RBM39: variants seen among roughly 807,000 people sequenced by gnomAD.
RBM39 encodes the protein RNA binding motif protein 39.
In RBM39, 12 loss-of-function variants were observed where a neutral mutation model predicts 79.6. The ratio of observed to expected loss-of-function variants is 0.15; its 90% CI spans 0.10 to 0.24. RBM39 has a LOEUF of 0.24. Ranked by LOEUF, RBM39 falls within the 10% of genes least tolerant of loss-of-function variation. The probability of loss-of-function intolerance (pLI) is 1.00; values close to 1 mark genes in which losing one functional copy is unlikely to be tolerated. For missense variants in RBM39, 243 were observed against 653.4 expected (o/e 0.37, Z 6.85); for synonymous variants, 185 against 208.4 (o/e 0.89, Z 0.97).
chr20:35,727,425 A>G (rs975961417), intron 6 of RBM39, among the ~76,000 whole-genome samples: 59 of 151,302 alleles, frequency 3.9e-4, no homozygotes, highest in Non-Finnish European at 6.6e-4. Flanking sequence ...AACACCCACA[A>G]TGCTACCACC....
rs529062012 is a variant in RBM39 at position 35,719,000 on chromosome 20, G to A, written c.826-2195C>T. On this transcript the variant is annotated intron_variant, in intron 9 of 16. Coordinates refer to ENST00000253363, the MANE Select transcript of RBM39 (RefSeq NM_184234.3). ...AAATAATAAAATAAACCTTTAAAAA[G>A]GGCTTCTTATTAAAGCTGCTACATT... 9.0e-4 allele frequency among the ~76,000 whole-genome samples: 137 copies of A among 151,750 alleles called. 1 individual carries two copies. The South Asian group carries it at 0.028, about 31-fold the overall frequency.
At chr20:35,726,305 G>A (rs771348152) in intron 6 of RBM39, among the ~76,000 whole-genome samples, 1 of 151,444 alleles carries the variant, frequency 6.6e-6, no homozygotes, top group African/African-American at 2.4e-5. Flanking sequence ...CTAATTTTCT[G>A]TATTTTTAGT....
chr20:35,735,273 C>T (rs1326498736), intron 3 of RBM39, among the ~76,000 whole-genome samples: 1 of 152,150 alleles, frequency 6.6e-6, no homozygotes, highest in Non-Finnish European at 1.5e-5. Context: ...ATAATATTCC[C>T]ATGAGGGCAA....
intron 14 of RBM39, 44 bp downstream of exon 14, chr20:35,707,076 T>TA (rs1348183362): frequency 9.4e-7 from 1 of 1,059,828 alleles, no homozygotes; most frequent in Non-Finnish European, 1.4e-6. Flanking sequence ...ACAACTCTAT[T>TA]GACGCCTTGA....
At position 35,703,975 on chromosome 20, in the gene RBM39, A is replaced by G. The variant is rs2035440380; in HGVS notation, c.*506T>C. ...ATACCATCAAGAAATATAATTTTGAAATCTCCCTTTCTTGCCAATTGATCA... is the reference window on the plus strand; with the variant it reads ...ATACCATCAAGAAATATAATTTTGAGATCTCCCTTTCTTGCCAATTGATCA... On this transcript the variant is annotated 3_prime_UTR_variant, in exon 17 of 17. Coordinates refer to ENST00000253363, the MANE Select transcript of RBM39 (RefSeq NM_184234.3). 6.5e-6 allele frequency: 1 copy of G among 152,826 alleles called. No individual in the cohort carries two copies. Among genetic ancestry groups the G allele is most frequent in the African/African-American group, 2.4e-5 (1 of 41,450 alleles). 9.5% of individuals were successfully genotyped at this position (152,826 alleles called of 1,614,324 possible).
intron 9 of RBM39, among the ~76,000 whole-genome samples, chr20:35,719,213 G>A (rs1399662821): frequency 6.6e-6 from 1 of 151,998 alleles, no homozygotes; most frequent in Non-Finnish European, 1.5e-5. Flanking sequence ...TATATTTTTA[G>A]TAGAGAAGAG....
chr20:35,725,822 C>G (rs1377875932), intron 6 of RBM39, among the ~76,000 whole-genome samples: 1 of 151,818 alleles, frequency 6.6e-6, no homozygotes, highest in African/African-American at 2.4e-5. Context: ...TGCCACCACA[C>G]CCAGCTAATT....
intron 14 of RBM39, among the ~76,000 whole-genome samples, chr20:35,706,682 T>C (rs1160349262): frequency 1.3e-5 from 2 of 152,124 alleles, no homozygotes; most frequent in South Asian, 2.1e-4. Context: ...TTTCCGCACC[T>C]GGCCGAAAAA....
chr20:35,714,385 G>A lies in RBM39; in HGVS notation c.896C>T (p.Ser299Phe). The change falls in exon 11 of 17, where the codon TCT becomes TTT. Residue 299 changes from serine (S) to phenylalanine (F), a missense_variant. By Grantham distance (155) the Ser-to-Phe change is radical (BLOSUM62 -2). Around this residue, in one of 4 missense-constraint regions of RBM39, gnomAD observed 61 missense variants for 322.9 expected, o/e 0.19. Coordinates refer to ENST00000253363, the MANE Select transcript of RBM39 (RefSeq NM_184234.3). ...AGCCTTTTTGGCACATTCTGAGTCAGAAAACTACATGATAGGGGAGGCAAG... is the reference window on the plus strand; with the variant it reads ...AGCCTTTTTGGCACATTCTGAGTCAAAAAACTACATGATAGGGGAGGCAAG... The part of the protein sequence containing the change: ...RSKGYGFITF[S>F]DSECAKKALE... 1.2e-6 allele frequency: 2 copies of A among 1,613,888 alleles called. No individual in the cohort carries two copies. Among genetic ancestry groups the A allele is most frequent in the Non-Finnish European group, 1.7e-6 (2 of 1,179,888 alleles).
At chr20:35,712,706 TA>T (rs1246094995) in intron 12 of RBM39, among the ~76,000 whole-genome samples, 2 of 152,220 alleles carry the variant, frequency 1.3e-5, no homozygotes, top group East Asian at 3.9e-4. Flanking sequence ...TCTAATATTA[TA>T]AATATTTTTT....
At chr20:35,723,833 C>A (rs2038307092) in intron 8 of RBM39, among the ~76,000 whole-genome samples, 1 of 152,178 alleles carries the variant, frequency 6.6e-6, no homozygotes, top group Non-Finnish European at 1.5e-5. Flanking sequence ...TTGAGCATGA[C>A]AGTTTGAAAC....
At chr20:35,739,251 G>A (rs2040288764) in intron 2 of RBM39, 6 of 542,488 alleles carry the variant, frequency 1.1e-5, no homozygotes, top group Non-Finnish European at 2.0e-5. Context: ...ATATTAACAT[G>A]TTAAATTTTA....
At chr20:35,737,575 G>C (rs1295195276) in intron 3 of RBM39, among the ~76,000 whole-genome samples, 1 of 148,264 alleles carries the variant, frequency 6.7e-6, no homozygotes, top group East Asian at 2.1e-4. Flanking sequence ...AAAAAATAAA[G>C]ACAGAGGCTG....
intron 10 of RBM39, among the ~76,000 whole-genome samples, chr20:35,715,051 T>C (rs953117295): frequency 6.6e-6 from 1 of 152,214 alleles, no homozygotes; most frequent in African/African-American, 2.4e-5. Flanking sequence ...GTTAAACAGA[T>C]TTGCTATCAA....
intron 6 of RBM39, 60 bp downstream of exon 6, chr20:35,729,252 A>T: frequency 7.2e-7 from 1 of 1,395,070 alleles, no homozygotes; most frequent in Non-Finnish European, 9.7e-7. Context: ...CATCAAATTT[A>T]ACAGTACCAT....
chr20:35,726,499 A>AT (rs1381922255), intron 6 of RBM39, among the ~76,000 whole-genome samples: 1 of 152,212 alleles, frequency 6.6e-6, no homozygotes, highest in Non-Finnish European at 1.5e-5. Flanking sequence ...GTCATAAAAC[A>AT]TATCACCAGA....
chr20:35,708,566 A>G (rs935646307), intron 13 of RBM39, among the ~76,000 whole-genome samples: 2 of 151,306 alleles, frequency 1.3e-5, no homozygotes, highest in African/African-American at 2.4e-5. Context: ...GGAACATGAC[A>G]TATCTTTCTC....
At chr20:35,723,107 G>C (rs1028452415) in intron 8 of RBM39, among the ~76,000 whole-genome samples, 7 of 149,380 alleles carry the variant, frequency 4.7e-5, no homozygotes, top group Non-Finnish European at 8.8e-5. Context: ...AAATACTCTT[G>C]AGATTGGTAT....
At position 35,724,558 on chromosome 20, in the gene RBM39, C is replaced by A. The variant is rs746700256; in HGVS notation, c.687+12G>T. ...CACCAATAATCAAACTCTTAACCAA[C>A]AAAAAAATTACCTGTGATGCCTGTA... On this transcript the variant is annotated intron_variant, in intron 8 of 16. Transcript: ENST00000253363. 1.9e-5 allele frequency: 30 copies of A among 1,612,760 alleles called. No homozygotes were observed. Among genetic ancestry groups the A allele is most frequent in the Non-Finnish European group, 2.5e-5 (30 of 1,179,350 alleles).
Sources: allele counts gnomAD v4.1 joint callset (sites outside exome capture counted in the v4.1 genomes callset), GRCh38; gene constraint gnomAD v4.1.1; regional missense constraint gnomAD v4.1.1; transcripts MANE v1.5; gene names NCBI Gene and HGNC (gene_info 2026-07-23, HGNC 2026-07-21).